The following AADACL2 variants were observed in gnomAD, a reference collection of about 807,000 sequenced individuals.
AADACL2 encodes arylacetamide deacetylase-like 2.
In AADACL2, 23 loss-of-function variants were observed where a neutral mutation model predicts 22.3. The observed-to-expected ratio is 1.03, with a 90% CI of 0.74 to 1.46. The LOEUF (loss-of-function observed/expected upper bound fraction) is 1.46, where lower values mean the gene tolerates loss of function less well. AADACL2 is among the 40% of genes most tolerant of loss of function. The probability of loss-of-function intolerance (pLI) is 0.00; values close to 1 mark genes in which losing one functional copy is unlikely to be tolerated. For missense variants in AADACL2, 472 were observed against 482.9 expected, an observed-to-expected ratio of 0.98 and a Z score of 0.21; for synonymous variants, 177 against 166.2, an observed-to-expected ratio of 1.07 and a Z score of -0.50.
At chr3:151,749,637 C>A (rs1239601388) in intron 4 of AADACL2, among the ~76,000 whole-genome samples, 1 of 152,092 alleles carries the variant, frequency 6.6e-6, no homozygotes, top group Non-Finnish European at 1.5e-5. Flanking sequence ...CACCCGCCAT[C>A]ATGCCTGGCT....
intron 1 of AADACL2, among the ~76,000 whole-genome samples, chr3:151,738,632 A>C (rs182392859): frequency 3.3e-5 from 5 of 152,184 alleles, no homozygotes; most frequent in African/African-American, 9.6e-5. Context: ...AGGTACACCA[A>C]TCTAACGTAG....
intron 3 of AADACL2, 74 bp from the exon 4 acceptor site, chr3:151,745,435 A>G: frequency 6.9e-7 from 1 of 1,444,340 alleles, no homozygotes; most frequent in African/African-American, 1.5e-5. Context: ...CTGGCATTAA[A>G]TTGCATCTAT....
At chr3:151,735,287 A>T (rs1202534078) in intron 1 of AADACL2, among the ~76,000 whole-genome samples, 1 of 152,204 alleles carries the variant, frequency 6.6e-6, no homozygotes, top group Non-Finnish European at 1.5e-5. Context: ...ACCCTACTAC[A>T]ACCCACTGAA....
At chr3:151,753,214 A>G (rs1713737810) in intron 4 of AADACL2, among the ~76,000 whole-genome samples, 1 of 152,188 alleles carries the variant, frequency 6.6e-6, no homozygotes, top group African/African-American at 2.4e-5. Flanking sequence ...GTCCATCAGA[A>G]GCAGAAATAT....
In AADACL2 at chr3:151,743,293, G is replaced by T. The variant is rs543165495; in HGVS notation, c.362-800G>T. On this transcript the variant is annotated intron_variant, in intron 2 of 4. Coordinates refer to ENST00000356517, the MANE Select transcript of AADACL2 (RefSeq NM_207365.4). ...GAAGGTCCAGAGAAGTCTGGAATTTGATCACAACTCTAGAATTCTTTGGAT... is the reference window on the plus strand; with the variant it reads ...GAAGGTCCAGAGAAGTCTGGAATTTTATCACAACTCTAGAATTCTTTGGAT... Among the ~76,000 whole-genome samples the T allele has an allele frequency of 2.6e-5, 4 of 152,278 alleles. No individual in the cohort carries two copies. In the South Asian group the frequency reaches 8.3e-4, roughly 32 times the overall value.
chr3:151,740,882 A>T lies in AADACL2; in HGVS notation c.361+14A>T. 1 of 1,610,612 alleles carries T rather than the reference A, an allele frequency of 6.2e-7. No homozygotes were observed. Among genetic ancestry groups the T allele is most frequent in the South Asian group, 1.1e-5 (1 of 90,914 alleles). ...TTGGAAGTTCCAGTAAGTTCATTGTATAAGGAAAAAGTGTAGCTAGCTCTA... is the reference window on the plus strand; with the variant it reads ...TTGGAAGTTCCAGTAAGTTCATTGTTTAAGGAAAAAGTGTAGCTAGCTCTA... On this transcript the variant is annotated intron_variant, in intron 2 of 4. Coordinates refer to ENST00000356517, the MANE Select transcript of AADACL2 (RefSeq NM_207365.4).
At chr3:151,737,183 G>T (rs749641981) in intron 1 of AADACL2, among the ~76,000 whole-genome samples, 6 of 152,188 alleles carry the variant, frequency 3.9e-5, no homozygotes, top group Non-Finnish European at 8.8e-5. Context: ...TGGTTTGAAA[G>T]AACTTCGTTA....
At chr3:151,747,036 A>G (rs1713474822) in intron 4 of AADACL2, among the ~76,000 whole-genome samples, 2 of 152,010 alleles carry the variant, frequency 1.3e-5, no homozygotes. Context: ...CACTAGCCTC[A>G]TTAAATAATT....
intron 1 of AADACL2, among the ~76,000 whole-genome samples, chr3:151,734,540 G>C (rs898415966): frequency 5.9e-5 from 9 of 152,064 alleles, no homozygotes; most frequent in Non-Finnish European, 1.2e-4. Context: ...TAGTTGTTTA[G>C]ATACACATTA....
chr3:151,743,000 A>ATT (rs530805694), intron 2 of AADACL2, among the ~76,000 whole-genome samples: 3 of 149,232 alleles, frequency 2.0e-5, no homozygotes, highest in Non-Finnish European at 3.0e-5. Flanking sequence ...TAATCTGCAG[A>ATT]TTTTTTTTTT....
chr3:151,736,794 T>C (rs754599441), intron 1 of AADACL2, among the ~76,000 whole-genome samples: 2 of 152,222 alleles, frequency 1.3e-5, no homozygotes, highest in African/African-American at 4.8e-5. Flanking sequence ...TATGTATGCA[T>C]GTGTCATTAC....
chr3:151,755,851 T>C (rs1280179676), intron 4 of AADACL2, among the ~76,000 whole-genome samples: 1 of 152,090 alleles, frequency 6.6e-6, no homozygotes, highest in Non-Finnish European at 1.5e-5. Flanking sequence ...GGGCTATTGA[T>C]AGCAATCTTT....
intron 2 of AADACL2, among the ~76,000 whole-genome samples, chr3:151,742,094 A>G (rs952587308): frequency 1.3e-5 from 2 of 152,156 alleles, no homozygotes; most frequent in Non-Finnish European, 2.9e-5. Flanking sequence ...CATTATAACT[A>G]TTTTCTAGTA....
In AADACL2 at chr3:151,761,204, G is replaced by T. The variant is rs1036375332; in HGVS notation, c.*3610G>T. ...ATATGGTGAGATATATACATATTGT[G>T]ATATATATATATATATATATATATA... On this transcript the variant is annotated 3_prime_UTR_variant, in exon 5 of 5. Coordinates refer to ENST00000356517, the MANE Select transcript of AADACL2 (RefSeq NM_207365.4). 5 of 85,452 alleles carry T rather than the reference G, an allele frequency of 5.9e-5. No individual in the cohort carries two copies. Among genetic ancestry groups the T allele is most frequent in the East Asian group, 3.3e-4 (1 of 3,056 alleles). 5.3% of individuals were successfully genotyped at this position (85,452 alleles called of 1,614,324 possible).
rs745342379 is a variant in AADACL2, at chr3:151,745,490, TA to T, written c.432-18del. The T allele has an allele frequency of 5.0e-6, 8 of 1,603,020 alleles. No homozygotes were observed. The African/African-American group carries it at 6.7e-5, about 14-fold the overall frequency. On this transcript the variant is annotated intron_variant, in intron 3 of 4. Coordinates refer to ENST00000356517, the MANE Select transcript of AADACL2 (RefSeq NM_207365.4). ...TGGACAGATACAACCATAAATGCTT[TA>T]TTATTCTTTCTTTAAAGCTATAGGC...
intron 4 of AADACL2, among the ~76,000 whole-genome samples, chr3:151,755,539 C>T (rs767760089): frequency 6.6e-6 from 1 of 152,092 alleles, no homozygotes; most frequent in South Asian, 2.1e-4. Context: ...TTGCCAACCT[C>T]GGAGAATCTG....
In AADACL2 at chr3:151,757,808, T is replaced by A. The variant is rs1462999133; in HGVS notation, c.*214T>A. 2.7e-6 allele frequency: 1 copy of A among 376,110 alleles called. No individual in the cohort carries two copies. The highest frequency in any genetic ancestry group is 2.1e-5 in the African/African-American group (1 of 47,744). 23.3% of individuals were successfully genotyped at this position (376,110 alleles called of 1,614,324 possible). ...GTAATCCTGCCTATTTTCTCCTTAC[T>A]TATAATTTATTATAATTATGTTGGT... is the stretch of plus-strand genomic sequence containing the variant. On this transcript the variant is annotated 3_prime_UTR_variant, in exon 5 of 5. Transcript: ENST00000356517.
At position 151,759,939 on chromosome 3, in the gene AADACL2, A is replaced by G. The variant is rs1302581973; in HGVS notation, c.*2345A>G. 6.6e-6 allele frequency: 1 copy of G among 152,120 alleles called. No individual in the cohort carries two copies. Among genetic ancestry groups the G allele is most frequent in the Non-Finnish European group, 1.5e-5 (1 of 68,014 alleles). 9.4% of individuals were successfully genotyped at this position (152,120 alleles called of 1,614,324 possible). A position where few individuals can be genotyped will look rare whatever the true frequency, so the allele number is the denominator to read the frequency against. Reference sequence around the variant, plus strand: ...ATAATGTATTTTACTTTATTTTTAAATTTCATTTTAAATTGACAATAATTG... The same window carrying G: ...ATAATGTATTTTACTTTATTTTTAAGTTTCATTTTAAATTGACAATAATTG... On this transcript the variant is annotated 3_prime_UTR_variant, in exon 5 of 5. Coordinates refer to ENST00000356517, the MANE Select transcript of AADACL2 (RefSeq NM_207365.4).
chr3:151,752,709 A>G (rs1713717225), intron 4 of AADACL2, among the ~76,000 whole-genome samples: 1 of 152,162 alleles, frequency 6.6e-6, no homozygotes, highest in Non-Finnish European at 1.5e-5. Context: ...AAACAATGGG[A>G]ATTGATTTGA....
Sources: gnomAD v4.1 joint callset for allele counts (sites outside exome capture counted in the v4.1 genomes callset) on GRCh38, gnomAD v4.1.1 for gene constraint, MANE v1.5 for transcripts, NCBI Gene and HGNC (gene_info 2026-07-23, HGNC 2026-07-21) for gene names.